The following DENND1A variants were observed in gnomAD, a reference collection of about 807,000 sequenced individuals.
DENND1A encodes the protein DENN domain-containing protein 1A.
In DENND1A, 51 loss-of-function variants were observed where a neutral mutation model predicts 113.7. The observed-to-expected ratio is 0.45, with a 90% confidence interval of 0.36 to 0.57. The LOEUF is 0.57. Ranked by LOEUF, DENND1A falls within the 20% of genes least tolerant of loss-of-function variation. DENND1A has a pLI of 0.00. For missense variants in DENND1A, 1,258 were observed against 1,395.9 expected, an observed-to-expected ratio of 0.90 and a Z score of 1.57; for synonymous variants, 565 against 570.8, an observed-to-expected ratio of 0.99 and a Z score of 0.14.
chr9:123,815,543 G>A (rs1404767425), intron 2 of DENND1A, among the ~76,000 whole-genome samples: 4 of 152,098 alleles, frequency 2.6e-5, no homozygotes, highest in Non-Finnish European at 5.9e-5. Context: ...CAGCCTGAAA[G>A]ATAATTATAT....
chr9:123,484,938 TGTAACATGGAGGTA>T (rs2050667540), intron 13 of DENND1A, among the ~76,000 whole-genome samples: 1 of 152,226 alleles, frequency 6.6e-6, no homozygotes, highest in Non-Finnish European at 1.5e-5. Flanking sequence ...TCCCCTCTTC[TGTAACATGGAGGTA>T]GTAACATCTG....
At chr9:123,745,997 A>G (rs1460093113) in intron 5 of DENND1A, among the ~76,000 whole-genome samples, 3 of 152,250 alleles carry the variant, frequency 2.0e-5, no homozygotes, top group Non-Finnish European at 1.5e-5. Flanking sequence ...AAACAAAGCT[A>G]TACTATACTA....
intron 5 of DENND1A, among the ~76,000 whole-genome samples, chr9:123,691,971 C>T (rs1215914756): frequency 6.6e-6 from 1 of 152,152 alleles, no homozygotes; most frequent in Non-Finnish European, 1.5e-5. Flanking sequence ...AGAGGGTTGC[C>T]TGCTTCCTTC....
rs573169510 is a variant in DENND1A at position 123,588,637 on chromosome 9, G to T, written c.766-5367C>A. ...CTCCATCTCAAAAAAAAAAAAAGGG[G>T]GGGGGGGAAGAGAAAAGTTTAAAGA... On this transcript the variant is annotated intron_variant, in intron 11 of 23. Coordinates refer to ENST00000394215, the MANE Select transcript of DENND1A (RefSeq NM_001352964.2). 4.5e-5 allele frequency among the ~76,000 whole-genome samples: 6 copies of T among 133,702 alleles called. No individual in the cohort carries two copies. In the South Asian group the frequency reaches 8.4e-4, roughly 19 times the overall value. 87.7% of individuals were successfully genotyped at this position (133,702 alleles called of 152,430 possible).
At chr9:123,426,992 G>T (rs2131972304) in intron 19 of DENND1A, among the ~76,000 whole-genome samples, 1 of 152,306 alleles carries the variant, frequency 6.6e-6, no homozygotes. Context: ...CAGATAAAAA[G>T]CAAGGGTGTT....
chr9:123,384,806 G>A (rs1366326919), intron 22 of DENND1A, among the ~76,000 whole-genome samples: 1 of 152,040 alleles, frequency 6.6e-6, no homozygotes, highest in Non-Finnish European at 1.5e-5. Context: ...AAATTTGCGG[G>A]GTGTGGTGGT....
At chr9:123,443,527 A>G (rs1250275290) in intron 18 of DENND1A, among the ~76,000 whole-genome samples, 1 of 152,260 alleles carries the variant, frequency 6.6e-6, no homozygotes, top group Non-Finnish European at 1.5e-5. Flanking sequence ...CAAAGATGCA[A>G]AAGGTTTCTT....
intron 21 of DENND1A, 105 bp downstream of exon 21, chr9:123,403,297 C>A: frequency 8.7e-7 from 1 of 1,155,184 alleles, no homozygotes; most frequent in Non-Finnish European, 1.3e-6. Flanking sequence ...CTGGGAGCCC[C>A]GGGGAAGCCT....
intron 2 of DENND1A, among the ~76,000 whole-genome samples, chr9:123,853,886 T>C (rs1843755865): frequency 6.6e-6 from 1 of 152,124 alleles, no homozygotes; most frequent in African/African-American, 2.4e-5. Context: ...GGCCGGAAAA[T>C]GTCTCAGATT....
intron 11 of DENND1A, among the ~76,000 whole-genome samples, chr9:123,605,385 A>G (rs2060110165): frequency 6.6e-6 from 1 of 152,204 alleles, no homozygotes; most frequent in Admixed American, 6.5e-5. Flanking sequence ...GATGGCACAG[A>G]AGAGGGGCTG....
At chr9:123,873,997 T>G (rs1278249520) in intron 2 of DENND1A, among the ~76,000 whole-genome samples, 1 of 152,110 alleles carries the variant, frequency 6.6e-6, no homozygotes, top group Non-Finnish European at 1.5e-5. Context: ...CACCTTGACC[T>G]CTCAAAGTGC....
intron 3 of DENND1A, among the ~76,000 whole-genome samples, chr9:123,780,888 T>G (rs1831211379): frequency 6.6e-6 from 1 of 152,140 alleles, no homozygotes; most frequent in Admixed American, 6.5e-5. Flanking sequence ...GCTAGAAGTG[T>G]TACATACCCA....
At chr9:123,882,036 G>A (rs369953064) in intron 1 of DENND1A, among the ~76,000 whole-genome samples, 35 of 152,092 alleles carry the variant, frequency 2.3e-4, no homozygotes, top group Non-Finnish European at 4.0e-4. Context: ...ACTCCTTTGC[G>A]AATTCCTTCT....
chr9:123,791,688 A>C (rs968887571), intron 3 of DENND1A, among the ~76,000 whole-genome samples: 3 of 152,170 alleles, frequency 2.0e-5, no homozygotes, highest in African/African-American at 7.2e-5. Flanking sequence ...TATTGTACTT[A>C]TCCTCATTCA....
chr9:123,466,035 C>G (rs1176146955), intron 13 of DENND1A, among the ~76,000 whole-genome samples: 1 of 152,130 alleles, frequency 6.6e-6, no homozygotes, highest in East Asian at 1.9e-4. Context: ...GAGTCTCGCT[C>G]TGTCACCCAG....
At chr9:123,396,013 A>G (rs893401565) in intron 21 of DENND1A, among the ~76,000 whole-genome samples, 5 of 151,994 alleles carry the variant, frequency 3.3e-5, no homozygotes, top group Admixed American at 2.6e-4. Context: ...GTGTGAGACA[A>G]AGAGAAAGCT....
intron 6 of DENND1A, among the ~76,000 whole-genome samples, chr9:123,671,966 CAAA>C (rs2063786321): frequency 6.6e-6 from 1 of 152,182 alleles, no homozygotes. Context: ...CTAAAATGCT[CAAA>C]AGAACACTGC....
At chr9:123,682,318 C>G (rs1234833857) in intron 5 of DENND1A, among the ~76,000 whole-genome samples, 1 of 152,172 alleles carries the variant, frequency 6.6e-6, no homozygotes, top group Non-Finnish European at 1.5e-5. Context: ...CGGGGGAAGA[C>G]TTGCGGCAGA....
At chr9:123,681,522 C>T (rs1589647485) in intron 5 of DENND1A, among the ~76,000 whole-genome samples, 1 of 152,038 alleles carries the variant, frequency 6.6e-6, no homozygotes, top group Non-Finnish European at 1.5e-5. Flanking sequence ...AAACAAGGAA[C>T]AGATCAAGAC....
Sources: allele counts gnomAD v4.1 joint callset (sites outside exome capture counted in the v4.1 genomes callset), GRCh38; gene constraint gnomAD v4.1.1; transcripts MANE v1.5; gene names NCBI Gene and HGNC (gene_info 2026-07-23, HGNC 2026-07-21).